C1orf21: variants seen among roughly 807,000 people sequenced by gnomAD.
C1orf21 encodes uncharacterized protein C1orf21.
In C1orf21, 3 loss-of-function variants were observed where a neutral mutation model predicts 18.7. That is an observed-to-expected ratio of 0.16 (90% CI 0.07 to 0.42). The LOEUF is 0.42. Ranked by LOEUF, C1orf21 falls within the 10% of genes least tolerant of loss-of-function variation. The pLI is 0.99. For missense variants in C1orf21, 104 were observed against 143.6 expected (o/e 0.72, Z 1.41); for synonymous variants, 41 against 46.4 (o/e 0.88, Z 0.47).
intron 3 of C1orf21, among the ~76,000 whole-genome samples, chr1:184,582,628 A>G (rs1659290444): frequency 6.6e-6 from 1 of 152,256 alleles, no homozygotes; most frequent in South Asian, 2.1e-4. Context: ...ATTCCTCTCC[A>G]GACTATCAAT....
chr1:184,460,679 C>CT (rs1487086122), intron 1 of C1orf21, among the ~76,000 whole-genome samples: 1 of 82,830 alleles, frequency 1.2e-5, no homozygotes, highest in Non-Finnish European at 2.8e-5. Context: ...TCTTCTTCTT[C>CT]TTCTTCTTTC....
At chr1:184,414,462 G>A (rs1656415054) in intron 1 of C1orf21, among the ~76,000 whole-genome samples, 2 of 152,078 alleles carry the variant, frequency 1.3e-5, no homozygotes, top group African/African-American at 4.8e-5. Context: ...ACCCATCTTT[G>A]GACTGTTTCT....
intron 1 of C1orf21, among the ~76,000 whole-genome samples, chr1:184,466,450 C>T (rs1040264027): frequency 7.2e-5 from 11 of 152,146 alleles, no homozygotes; most frequent in Non-Finnish European, 1.3e-4. Context: ...TTTTTGTTTT[C>T]CTTTAGTGGA....
chr1:184,588,145 G>A (rs1659383882), intron 3 of C1orf21, among the ~76,000 whole-genome samples: 1 of 152,012 alleles, frequency 6.6e-6, no homozygotes, highest in Admixed American at 6.6e-5. Context: ...TATATCTCTG[G>A]CAGATAAATT....
chr1:184,570,713 T>C (rs986121628), intron 3 of C1orf21, among the ~76,000 whole-genome samples: 1 of 152,204 alleles, frequency 6.6e-6, no homozygotes, highest in African/African-American at 2.4e-5. Context: ...ATAATGCAAC[T>C]GAGTGCTAAG....
intron 1 of C1orf21, among the ~76,000 whole-genome samples, chr1:184,421,563 G>A (rs142203046): frequency 4.7e-4 from 72 of 152,160 alleles, no homozygotes; most frequent in African/African-American, 1.4e-3. Context: ...TTCTTCCCAC[G>A]TTTTTCCACC....
intron 3 of C1orf21, among the ~76,000 whole-genome samples, chr1:184,587,462 A>G (rs1230856109): frequency 1.4e-5 from 2 of 147,632 alleles, no homozygotes; most frequent in Non-Finnish European, 3.0e-5. Flanking sequence ...CATTTCTTTG[A>G]GCAGTGTTTT....
intron 2 of C1orf21, among the ~76,000 whole-genome samples, chr1:184,505,328 T>TATATATATAC (rs1658039328): frequency 1.5e-5 from 2 of 132,630 alleles, no homozygotes; most frequent in Admixed American, 1.5e-4. Context: ...TATATATATA[T>TATATATATAC]ATATATATAT....
chr1:184,522,373 G>A (rs1354978396), intron 3 of C1orf21, among the ~76,000 whole-genome samples: 2 of 152,084 alleles, frequency 1.3e-5, no homozygotes, highest in African/African-American at 4.8e-5. Context: ...CACCCCAGTA[G>A]CAATAAGCAT....
At chr1:184,462,441 A>G (rs189016635) in intron 1 of C1orf21, among the ~76,000 whole-genome samples, 1 of 152,234 alleles carries the variant, frequency 6.6e-6, no homozygotes, top group East Asian at 1.9e-4. Flanking sequence ...TCAATTTGTA[A>G]TGAGCCAAAC....
intron 2 of C1orf21, among the ~76,000 whole-genome samples, chr1:184,484,280 C>G (rs1444339601): frequency 2.0e-5 from 3 of 152,150 alleles, no homozygotes; most frequent in East Asian, 3.9e-4. Context: ...GCCTTGTGAA[C>G]TTATCCTGCA....
At chr1:184,608,639 G>A (rs906701049) in intron 5 of C1orf21, among the ~76,000 whole-genome samples, 1 of 152,156 alleles carries the variant, frequency 6.6e-6, no homozygotes, top group Non-Finnish European at 1.5e-5. Flanking sequence ...TAGTACCCAC[G>A]GATCAGTAGT....
chr1:184,507,816 C>T, intron 3 of C1orf21, 134 bp downstream of exon 3: 1 of 687,196 alleles, frequency 1.5e-6, no homozygotes, highest in Non-Finnish European at 2.3e-6. Context: ...TTATAGCTTG[C>T]CTGGAAGCTG....
chr1:184,579,379 GTTTTTTTTTTTTTTTT>G (rs201010891), intron 3 of C1orf21, among the ~76,000 whole-genome samples: 1 of 71,440 alleles, frequency 1.4e-5, no homozygotes. Flanking sequence ...TATAAGCTGG[GTTTTTTTTTTTTTTTT>G]TTTTTTTTTT....
intron 3 of C1orf21, among the ~76,000 whole-genome samples, chr1:184,515,503 A>G (rs1285623836): frequency 2.0e-5 from 3 of 152,192 alleles, no homozygotes; most frequent in Non-Finnish European, 4.4e-5. Context: ...GTAGGTTACC[A>G]GTTTTGCATA....
chr1:184,419,455 T>C (rs1055347696), intron 1 of C1orf21, among the ~76,000 whole-genome samples: 1 of 152,194 alleles, frequency 6.6e-6, no homozygotes, highest in African/African-American at 2.4e-5. Context: ...TAAAAGGTCT[T>C]ATTCATTCAC....
intron 3 of C1orf21, among the ~76,000 whole-genome samples, chr1:184,586,406 C>T (rs1187570799): frequency 2.6e-5 from 4 of 151,664 alleles, no homozygotes; most frequent in African/African-American, 9.7e-5. Context: ...GCCTCAGCCT[C>T]CCGAGTAGCT....
chr1:184,619,193 T>G (rs949106013), intron 5 of C1orf21, among the ~76,000 whole-genome samples: 1 of 152,334 alleles, frequency 6.6e-6, no homozygotes, highest in East Asian at 1.9e-4. Flanking sequence ...GATAAGAAAT[T>G]GATCTCCTGA....
At chr1:184,530,957 T>G (rs1658454298) in intron 3 of C1orf21, among the ~76,000 whole-genome samples, 1 of 152,142 alleles carries the variant, frequency 6.6e-6, no homozygotes, top group East Asian at 1.9e-4. Context: ...GCCATTTAAA[T>G]ATTATGTAGG....
Sources: allele counts gnomAD v4.1 joint callset (sites outside exome capture counted in the v4.1 genomes callset), GRCh38; gene constraint gnomAD v4.1.1; transcripts MANE v1.5; gene names NCBI Gene and HGNC (gene_info 2026-07-23, HGNC 2026-07-21).